Variants in LRRTM3 observed in about 807,000 individuals in gnomAD.
LRRTM3 encodes leucine-rich repeat transmembrane neuronal protein 3.
A neutral mutation model predicts 44.7 loss-of-function variants in LRRTM3; 24 were observed. The ratio of observed to expected loss-of-function variants is 0.54; its 90% CI spans 0.39 to 0.76. The LOEUF is 0.76. Ranked by LOEUF, LRRTM3 falls within the 30% of genes least tolerant of loss-of-function variation. The probability of loss-of-function intolerance (pLI) is 0.00; values close to 1 mark genes in which losing one functional copy is unlikely to be tolerated. For missense variants in LRRTM3, 587 were observed against 702.2 expected (o/e 0.84, Z 1.85); for synonymous variants, 277 against 278.7 (o/e 0.99, Z 0.06).
At chr10:67,092,453 C>A (rs1051245035) in intron 2 of LRRTM3, among the ~76,000 whole-genome samples, 4 of 151,822 alleles carry the variant, frequency 2.6e-5, no homozygotes, top group Admixed American at 2.6e-4. Context: ...GTATTTTGTA[C>A]TTTAAAAATA....
intron 2 of LRRTM3, among the ~76,000 whole-genome samples, chr10:67,024,616 A>C (rs539389038): frequency 1.3e-5 from 2 of 152,190 alleles, no homozygotes; most frequent in Non-Finnish European, 2.9e-5. Flanking sequence ...AAGAAACAAC[A>C]AAATGAGCCA....
At chr10:67,013,566 C>T (rs1852472290) in intron 2 of LRRTM3, among the ~76,000 whole-genome samples, 1 of 152,136 alleles carries the variant, frequency 6.6e-6, no homozygotes, top group Non-Finnish European at 1.5e-5. Context: ...AAACACAGTA[C>T]TCCTAAAAGC....
chr10:66,938,465 A>G (rs1847834598), intron 2 of LRRTM3, among the ~76,000 whole-genome samples: 1 of 152,220 alleles, frequency 6.6e-6, no homozygotes, highest in South Asian at 2.1e-4. Context: ...TAAGAAAATC[A>G]TAAGGAAAAG....
At chr10:66,992,010 T>C (rs1215717227) in intron 2 of LRRTM3, among the ~76,000 whole-genome samples, 7 of 152,126 alleles carry the variant, frequency 4.6e-5, no homozygotes, top group Non-Finnish European at 5.9e-5. Flanking sequence ...TTTGATCCAG[T>C]CACTCTGCAG....
chr10:67,091,590 TA>T (rs1253894166), intron 2 of LRRTM3, among the ~76,000 whole-genome samples: 3 of 152,114 alleles, frequency 2.0e-5, no homozygotes, highest in African/African-American at 7.2e-5. Flanking sequence ...GATAAATTTA[TA>T]AATGCCCAGT....
chr10:66,992,686 G>T (rs1001985847), intron 2 of LRRTM3, among the ~76,000 whole-genome samples: 6 of 151,918 alleles, frequency 3.9e-5, no homozygotes, highest in Admixed American at 3.9e-4. Flanking sequence ...TTAACATTTT[G>T]TTGATCACAT....
intron 2 of LRRTM3, among the ~76,000 whole-genome samples, chr10:67,028,466 G>T (rs1231941303): frequency 6.6e-6 from 1 of 151,808 alleles, no homozygotes; most frequent in Admixed American, 6.6e-5. Context: ...AATCTAGAAG[G>T]TAGTACTTGA....
At chr10:66,975,140 T>A (rs2147883) in intron 2 of LRRTM3, among the ~76,000 whole-genome samples, 3 of 152,094 alleles carry the variant, frequency 2.0e-5, no homozygotes, top group African/African-American at 7.2e-5. Flanking sequence ...ATTTCAAAAA[T>A]CCTGCTTCAA....
At chr10:67,034,957 C>A (rs912176726) in intron 2 of LRRTM3, among the ~76,000 whole-genome samples, 1 of 152,144 alleles carries the variant, frequency 6.6e-6, no homozygotes, top group African/African-American at 2.4e-5. Context: ...ATATGCCCAC[C>A]TATGTCTATA....
intron 2 of LRRTM3, among the ~76,000 whole-genome samples, chr10:66,996,962 T>G (rs910056799): frequency 3.9e-5 from 6 of 152,118 alleles, no homozygotes; most frequent in African/African-American, 1.4e-4. Flanking sequence ...GGTTTAATAT[T>G]TTATCTTGGA....
chr10:67,088,608 T>A (rs1254886910), intron 2 of LRRTM3, among the ~76,000 whole-genome samples: 1 of 152,036 alleles, frequency 6.6e-6, no homozygotes, highest in African/African-American at 2.4e-5. Flanking sequence ...TTTTCCTTAC[T>A]CTAAATGCAT....
chr10:66,976,026 C>T (rs1850009298), intron 2 of LRRTM3, among the ~76,000 whole-genome samples: 1 of 152,048 alleles, frequency 6.6e-6, no homozygotes, highest in African/African-American at 2.4e-5. Context: ...CTTTAATTTC[C>T]CTGTATAAAA....
chr10:66,942,811 AT>A (rs1206609996), intron 2 of LRRTM3, among the ~76,000 whole-genome samples: 1 of 152,224 alleles, frequency 6.6e-6, no homozygotes, highest in African/African-American at 2.4e-5. Flanking sequence ...TAATTTAGGC[AT>A]TTAAAGGAAG....
At chr10:67,011,834 A>G (rs188648896) in intron 2 of LRRTM3, among the ~76,000 whole-genome samples, 54 of 152,292 alleles carry the variant, frequency 3.5e-4, no homozygotes, top group African/African-American at 1.2e-3. Flanking sequence ...AATTTGCCCA[A>G]GGACCTACAG....
At chr10:67,049,971 C>T (rs1006316799) in intron 2 of LRRTM3, among the ~76,000 whole-genome samples, 3 of 152,158 alleles carry the variant, frequency 2.0e-5, no homozygotes, top group African/African-American at 7.2e-5. Flanking sequence ...TTATTCATAA[C>T]TTATCTTTAA....
At chr10:66,978,552 A>AATATATATATATATATATATATAT (rs1554890349) in intron 2 of LRRTM3, among the ~76,000 whole-genome samples, 12 of 37,872 alleles carry the variant, frequency 3.2e-4, no homozygotes, top group East Asian at 3.5e-3. Context: ...AAAAAAAAAA[A>AATATATATATATATATATATATAT]ATATATATAT....
At chr10:67,057,314 G>C (rs907695108) in intron 2 of LRRTM3, among the ~76,000 whole-genome samples, 2 of 152,030 alleles carry the variant, frequency 1.3e-5, no homozygotes, top group African/African-American at 4.8e-5. Context: ...CTTAGCATAT[G>C]TCAAGTATAC....
Position 67,077,180 on chromosome 10 carries a change from C to T in LRRTM3, c.1537-20407C>T, listed in dbSNP as rs545011300. ...ATCCACACTGCCATCTTGCTTCTCT[C>T]ATGGATCTTCCAGTAGCCTTTGAAC... On this transcript the variant is annotated intron_variant, in intron 2 of 2. Coordinates refer to ENST00000361320, the MANE Select transcript of LRRTM3 (RefSeq NM_178011.5). Among the ~76,000 whole-genome samples, 7 of 152,298 alleles carry T rather than the reference C, an allele frequency of 4.6e-5. No individual in the cohort carries two copies. The South Asian group carries it at 8.3e-4, about 18-fold the overall frequency.
intron 2 of LRRTM3, among the ~76,000 whole-genome samples, chr10:66,985,390 T>C (rs150684514): frequency 6.6e-6 from 1 of 151,572 alleles, no homozygotes; most frequent in East Asian, 1.9e-4. Flanking sequence ...AACATGAAAA[T>C]ATAGGGGAAG....
Sources: gnomAD v4.1 joint callset for allele counts (sites outside exome capture counted in the v4.1 genomes callset) on GRCh38, gnomAD v4.1.1 for gene constraint, MANE v1.5 for transcripts, NCBI Gene and HGNC (gene_info 2026-07-23, HGNC 2026-07-21) for gene names.